KIF21A: variants seen among roughly 807,000 people sequenced by gnomAD.
The protein encoded by KIF21A is kinesin family member 21A, also known as kinesin-like protein KIF21A.
In KIF21A, 114 loss-of-function variants were observed where a neutral mutation model predicts 202.9. That is an observed-to-expected ratio of 0.56 (90% CI 0.48 to 0.66). The LOEUF (loss-of-function observed/expected upper bound fraction) is 0.66. Ranked by LOEUF, KIF21A falls within the 30% of genes least tolerant of loss-of-function variation. The pLI is 0.00. For missense variants in KIF21A, 1,677 were observed against 1,994.9 expected (o/e 0.84, Z 3.04); for synonymous variants, 667 against 670.8 (o/e 0.99, Z 0.09).
chr12:39,364,462 G>A (rs1030942510), intron 6 of KIF21A, among the ~76,000 whole-genome samples: 8 of 152,152 alleles, frequency 5.3e-5, no homozygotes, highest in African/African-American at 1.9e-4. Context: ...AAGAAGTCCA[G>A]AATCCAGGCA....
intron 13 of KIF21A, 40 bp from the exon 14 acceptor site, chr12:39,341,662 C>T: frequency 6.4e-7 from 1 of 1,559,816 alleles, no homozygotes; most frequent in Non-Finnish European, 8.7e-7. Context: ...ACAATATTGG[C>T]AAAACAAACT....
At chr12:39,314,837 C>T (rs1435445425) in intron 31 of KIF21A, among the ~76,000 whole-genome samples, 4 of 151,604 alleles carry the variant, frequency 2.6e-5, no homozygotes, top group Non-Finnish European at 5.9e-5. Flanking sequence ...TCAGGATGCC[C>T]TTTTTTCATT....
At position 39,323,321 on chromosome 12, in the gene KIF21A, A is replaced by T. The variant is rs184932769; in HGVS notation, c.3457-439T>A. On this transcript the variant is annotated intron_variant, in intron 26 of 37. Coordinates refer to ENST00000361418, the MANE Select transcript of KIF21A (RefSeq NM_001173464.2). ...CGGCCAGCTCCCTCAACATATAATT[A>T]AAAAAAAAGAAAAGAAAAAGAAGAA... Among the ~76,000 whole-genome samples, 324 of 149,926 alleles carry T rather than the reference A, an allele frequency of 2.2e-3. 6 individuals are homozygous for T. The highest frequency in any genetic ancestry group is 0.02 in the Admixed American group (297 of 15,026).
chr12:39,298,481 G>C (rs192155535), intron 37 of KIF21A, among the ~76,000 whole-genome samples: 4 of 147,808 alleles, frequency 2.7e-5, no homozygotes, highest in Non-Finnish European at 5.9e-5. Context: ...CGGTATAGTA[G>C]AGAGATACCA....
intron 34 of KIF21A, among the ~76,000 whole-genome samples, chr12:39,306,280 A>G (rs888723290): frequency 6.6e-6 from 1 of 152,184 alleles, no homozygotes; most frequent in Non-Finnish European, 1.5e-5. Flanking sequence ...AAAGTGCAAA[A>G]GATTTTCAAA....
chr12:39,370,103 C>T lies in KIF21A; in HGVS notation c.203G>A (p.Cys68Tyr). 6.2e-7 allele frequency: 1 copy of T among 1,613,746 alleles called. No individual in the cohort carries two copies. The highest frequency in any genetic ancestry group is 1.3e-5 in the African/African-American group (1 of 75,026). ...GCAACCTTCAATTAGTTTTTCTATA[C>T]ATTGAATGTAGATCTGCTCTTGCTG... is the stretch of plus-strand genomic sequence containing the variant. The part of the protein sequence containing the change: ...DSQQEQIYIQ[C>Y]IEKLIEGCFE... The change falls in exon 2 of 38, where the codon TGT becomes TAT. Residue 68 changes from cysteine (C) to tyrosine (Y), a missense_variant. By Grantham distance (194) the Cys-to-Tyr change is radical. This residue lies in a region of KIF21A where 966 missense variants were observed against 1,180.9 expected (regional missense o/e 0.82). Transcript: ENST00000361418.
chr12:39,423,932 C>T (rs1243805033), intron 1 of KIF21A, among the ~76,000 whole-genome samples: 8 of 133,428 alleles, frequency 6.0e-5, no homozygotes, highest in Non-Finnish European at 9.2e-5. Flanking sequence ...TGCAGTGAGC[C>T]GAGATTGCGC....
intron 10 of KIF21A, among the ~76,000 whole-genome samples, chr12:39,353,913 C>A (rs984970808): frequency 5.3e-5 from 8 of 152,018 alleles, no homozygotes; most frequent in African/African-American, 1.9e-4. Flanking sequence ...GTACTTCCTG[C>A]ATTTCATTTA....
chr12:39,434,043 T>C (rs1488689515), intron 1 of KIF21A, among the ~76,000 whole-genome samples: 2 of 152,206 alleles, frequency 1.3e-5, no homozygotes, highest in African/African-American at 4.8e-5. Flanking sequence ...GTTGGTGTCC[T>C]AGTCCATTTT....
intron 10 of KIF21A, among the ~76,000 whole-genome samples, chr12:39,356,007 T>C (rs1019410508): frequency 6.6e-6 from 1 of 152,108 alleles, no homozygotes; most frequent in Non-Finnish European, 1.5e-5. Flanking sequence ...CGTTTGCTTA[T>C]GTTCTGCAAA....
chr12:39,352,073 G>T, intron 10 of KIF21A, 93 bp from the exon 11 acceptor site: 2 of 907,204 alleles, frequency 2.2e-6, no homozygotes, highest in Non-Finnish European at 3.6e-6. Flanking sequence ...TTTCTTAAGT[G>T]TACAGCTCTG....
At chr12:39,368,186 T>C (rs1210929721) in intron 3 of KIF21A, among the ~76,000 whole-genome samples, 154 bp from the exon 4 acceptor site, 1 of 152,142 alleles carries the variant, frequency 6.6e-6, no homozygotes, top group Admixed American at 6.6e-5. Context: ...AATGAGGCTA[T>C]TATTATAACA....
At chr12:39,385,091 ACTATTTAACTCGAG>A in intron 1 of KIF21A, among the ~76,000 whole-genome samples, 1 of 152,318 alleles carries the variant, frequency 6.6e-6, no homozygotes, top group Admixed American at 6.5e-5. Flanking sequence ...ATTCACAGGT[ACTATTTAACTCGAG>A]CAAAGTAAGT....
intron 16 of KIF21A, among the ~76,000 whole-genome samples, chr12:39,339,210 T>G (rs1592227468): frequency 7.2e-6 from 1 of 139,130 alleles, no homozygotes; most frequent in Admixed American, 7.7e-5. Flanking sequence ...ACCTGGGAGG[T>G]GGGCAACAGA....
rs151110492 is a variant in KIF21A, at chr12:39,314,360, CA to C, written c.3959+868del. Among the ~76,000 whole-genome samples the C allele has an allele frequency of 4.2e-3, 632 of 151,764 alleles. 7 individuals carry two copies. Among genetic ancestry groups the C allele is most frequent in the African/African-American group, 0.015 (617 of 41,500 alleles). The stretch of plus-strand genomic sequence containing the variant: ...AATTGAAATTGGAGCAAAACCCGCT[CA>C]AAAGTCTGAATCTGCCATTTGGAAA... On this transcript the variant is annotated intron_variant, in intron 31 of 37. Coordinates refer to ENST00000361418, the MANE Select transcript of KIF21A (RefSeq NM_001173464.2).
At chr12:39,371,341 A>C (rs1391571119) in intron 1 of KIF21A, among the ~76,000 whole-genome samples, 2 of 152,150 alleles carry the variant, frequency 1.3e-5, no homozygotes, top group East Asian at 3.9e-4. Context: ...CCTTTCCTCC[A>C]CTGGAAGACC....
chr12:39,318,804 C>A (rs1233126790), intron 28 of KIF21A, among the ~76,000 whole-genome samples: 2 of 152,048 alleles, frequency 1.3e-5, no homozygotes, highest in Admixed American at 6.6e-5. Context: ...CATGGTGAAA[C>A]CCCGTCCCTA....
chr12:39,349,277 TGTGA>T (rs1364226347), intron 11 of KIF21A, among the ~76,000 whole-genome samples: 1 of 152,122 alleles, frequency 6.6e-6, no homozygotes, highest in African/African-American at 2.4e-5. Context: ...AATCATTTTA[TGTGA>T]GTGAGCTGAG....
intron 1 of KIF21A, among the ~76,000 whole-genome samples, chr12:39,389,316 T>G (rs966525540): frequency 7.9e-5 from 12 of 152,186 alleles, no homozygotes; most frequent in African/African-American, 2.9e-4. Context: ...TATGCTTTTA[T>G]GTACCTCTAA....
Sources: allele counts gnomAD v4.1 joint callset (sites outside exome capture counted in the v4.1 genomes callset), GRCh38; gene constraint gnomAD v4.1.1; regional missense constraint gnomAD v4.1.1; transcripts MANE v1.5; gene names NCBI Gene and HGNC (gene_info 2026-07-23, HGNC 2026-07-21).